The following KLC4 variants were observed in gnomAD, a reference collection of about 807,000 sequenced individuals.
The protein encoded by KLC4 is kinesin light chain 4.
In KLC4, 49 loss-of-function variants were observed where a neutral mutation model predicts 77.2. That is an observed-to-expected ratio of 0.63 (90% CI 0.50 to 0.80). KLC4 has a LOEUF of 0.80. Ranked by LOEUF, KLC4 falls within the 30% of genes least tolerant of loss-of-function variation. The probability of loss-of-function intolerance (pLI) is 0.00; values close to 1 mark genes in which losing one functional copy is unlikely to be tolerated. For synonymous variants in KLC4, 274 were observed against 314.5 expected (o/e 0.87, Z 1.36); for missense variants, 669 against 793.5 (o/e 0.84, Z 1.89).
chr6:43,065,587 C>T, intron 3 of KLC4, 33 bp from the exon 4 acceptor site: 1 of 1,499,808 alleles, frequency 6.7e-7, no homozygotes. Flanking sequence ...GTAGGGATAT[C>T]TTGGCCCTTA....
At chr6:43,067,291 A>C in intron 6 of KLC4, 1 of 1,222,774 alleles carries the variant, frequency 8.2e-7, no homozygotes. Context: ...TTTATAACAA[A>C]TATTTTGCTT....
chr6:43,066,619 C>A, intron 5 of KLC4, 94 bp downstream of exon 5: 1 of 1,116,854 alleles, frequency 9.0e-7, no homozygotes, highest in Non-Finnish European at 1.3e-6. Context: ...CAGGGTACCT[C>A]TCCTCCCTGT....
At position 43,063,163 on chromosome 6, in the gene KLC4, C is replaced by T. The variant is rs751861451; in HGVS notation, c.489+16C>T. 4.8e-5 allele frequency: 77 copies of T among 1,588,936 alleles called. No homozygotes were observed. The highest frequency in any genetic ancestry group is 6.3e-5 in the Non-Finnish European group (73 of 1,160,304). ...ACATACCTCGGTGAGTGTGCACAGG[C>T]GAGACTGGCTGAGGGGTGGGCAGCC... On this transcript the variant is annotated intron_variant, in intron 3 of 15. Coordinates refer to ENST00000347162, the MANE Select transcript of KLC4 (RefSeq NM_201521.3).
At chr6:43,068,403 T>C (rs1408015774) in intron 6 of KLC4, among the ~76,000 whole-genome samples, 1 of 151,258 alleles carries the variant, frequency 6.6e-6, no homozygotes, top group Admixed American at 6.6e-5. Context: ...AACCAGAAGG[T>C]GGAGGTTGCA....
In KLC4 at chr6:43,066,677, ACT is replaced by A. The variant is rs1173468543; in HGVS notation, c.791+156_791+157del. 31 of 692,200 alleles carry A rather than the reference ACT, an allele frequency of 4.5e-5. No homozygotes were observed. The South Asian group carries it at 5.6e-4, about 13-fold the overall frequency. 42.9% of individuals were successfully genotyped at this position (692,200 alleles called of 1,614,324 possible). A position where few individuals can be genotyped will look rare whatever the true frequency, so the allele number is the denominator to read the frequency against. The stretch of plus-strand genomic sequence containing the variant: ...ACAGGGTGCTTCTTTATGTGCCAGA[ACT>A]CTCACTTTTCCCATACCTAAGCATT... On this transcript the variant is annotated intron_variant, in intron 5 of 15. Transcript: ENST00000347162.
In KLC4 at chr6:43,067,020, T is replaced by G. The variant is rs1339163671; in HGVS notation, c.816T>G (p.Ala272=). ...GTGACCAGAATAAGTATAAGGAAGC[T>G]GCCCACCTGCTGAATGATGCCCTTA... is the stretch of plus-strand genomic sequence containing the variant. ...VYRDQNKYKE[A]AHLLNDALSI... is the part of the protein sequence containing the mutation. Residue 272 remains alanine, a synonymous_variant, in exon 6 of 16, where the codon GCT becomes GCG. Transcript: ENST00000347162. The G allele has an allele frequency of 6.2e-7, 1 of 1,613,830 alleles. No homozygotes were observed. The highest frequency in any genetic ancestry group is 8.5e-7 in the Non-Finnish European group (1 of 1,179,862).
In KLC4 at chr6:43,071,576, A is replaced by T; in HGVS notation, c.1265A>T (p.Lys422Met). Residue 422 changes from lysine to methionine, a missense_variant, in exon 10 of 16, where the codon AAG (lysine) becomes ATG (methionine). Coordinates refer to ENST00000347162, the MANE Select transcript of KLC4 (RefSeq NM_201521.3). ...CATGTATCACCCCTAGATGACCACA[A>T]GCCCATCTGGATGCATGCAGAGGAG... is the stretch of plus-strand genomic sequence containing the variant. ...QEFGSVDDDH[K>M]PIWMHAEERE... 6.2e-7 allele frequency: 1 copy of T among 1,613,640 alleles called. No individual in the cohort carries two copies. Among genetic ancestry groups the T allele is most frequent in the Non-Finnish European group, 8.5e-7 (1 of 1,179,878 alleles).
At chr6:43,065,044 T>G (rs1414710055) in intron 3 of KLC4, among the ~76,000 whole-genome samples, 1 of 152,040 alleles carries the variant, frequency 6.6e-6, no homozygotes, top group Non-Finnish European at 1.5e-5. Context: ...AAGGCAAGAT[T>G]GAGGGTGGTT....
rs771981719 is a variant in KLC4 at position 43,061,623 on chromosome 6, C to G, written c.258+30C>G. The G allele has an allele frequency of 1.9e-6, 3 of 1,589,038 alleles. 1 individual carries two copies. Among genetic ancestry groups the G allele is most frequent in the Middle Eastern group, 2.0e-4 (1 of 5,082 alleles). On this transcript the variant is annotated intron_variant, in intron 2 of 15. Coordinates refer to ENST00000347162, the MANE Select transcript of KLC4 (RefSeq NM_201521.3). ...GAGGGCAAAGGTGGTGCCAAGTGGT[C>G]CAGGGTGGATGGAGGAGCAGTTATC...
chr6:43,071,751 C>CA, intron 10 of KLC4, 101 bp from the exon 11 acceptor site: 1 of 1,465,292 alleles, frequency 6.8e-7, no homozygotes, highest in South Asian at 1.2e-5. Flanking sequence ...CTCCCCAGCC[C>CA]AGCCTGCACC....
In KLC4 at chr6:43,070,811, C is replaced by T. The variant is rs770481978; in HGVS notation, c.1101C>T (p.Tyr367=). ...ACTACCAGCGAGCACTGGCCATCTA[C>T]GAGGGGCAGCTGGGGCCGGACAACC... ...ERYYQRALAI[Y]EGQLGPDNPN... Residue 367 remains tyrosine, a synonymous_variant, in exon 8 of 16, where the codon TAC becomes TAT. Transcript: ENST00000347162. 9 of 1,613,086 alleles carry T rather than the reference C, an allele frequency of 5.6e-6. No individual in the cohort carries two copies. Among genetic ancestry groups the T allele is most frequent in the African/African-American group, 1.3e-5 (1 of 74,634 alleles).
intron 6 of KLC4, among the ~76,000 whole-genome samples, chr6:43,068,339 G>C (rs1765558968): frequency 6.6e-6 from 1 of 151,190 alleles, no homozygotes; most frequent in South Asian, 2.1e-4. Flanking sequence ...GGGCGTGGTG[G>C]GGGGCACTTG....
chr6:43,070,583 A>G, intron 7 of KLC4, 109 bp from the exon 8 acceptor site: 2 of 1,426,514 alleles, frequency 1.4e-6, no homozygotes. Context: ...CTCTTCCTTC[A>G]TTCCCTTTCC....
chr6:43,073,024 G>A (rs934921532), intron 13 of KLC4, 60 bp downstream of exon 13: 3 of 1,532,316 alleles, frequency 2.0e-6, no homozygotes, highest in Admixed American at 2.1e-5. Context: ...GTGGTGAGAG[G>A]CTCTTGGCCA....
intron 7 of KLC4, 30 bp from the exon 8 acceptor site, chr6:43,070,662 C>G: frequency 6.3e-7 from 1 of 1,595,516 alleles, no homozygotes; most frequent in Non-Finnish European, 8.6e-7. Context: ...GTTATCATAG[C>G]CATTTATCCA....
At chr6:43,062,329 C>T (rs556164926) in intron 2 of KLC4, among the ~76,000 whole-genome samples, 1 of 152,366 alleles carries the variant, frequency 6.6e-6, no homozygotes, top group South Asian at 2.1e-4. Context: ...TCTGCAACCT[C>T]TGCCTGCCAG....
At chr6:43,074,517 C>T (rs1422389801) in intron 15 of KLC4, 105 bp from the exon 16 acceptor site, 18 of 990,816 alleles carry the variant, frequency 1.8e-5, no homozygotes, top group Non-Finnish European at 2.8e-5. Context: ...CAGATGTGAT[C>T]CTAGGTCCAG....
chr6:43,066,198 C>T, intron 4 of KLC4, 108 bp from the exon 5 acceptor site: 5 of 898,790 alleles, frequency 5.6e-6, no homozygotes, highest in South Asian at 1.5e-5. Context: ...ATTGAGAGTC[C>T]AGGTTGGGGT....
chr6:43,067,228 C>A, intron 6 of KLC4, 145 bp downstream of exon 6: 7 of 1,420,894 alleles, frequency 4.9e-6, no homozygotes, highest in Admixed American at 2.5e-5. Flanking sequence ...TTCTTCCAGG[C>A]ACTGTCCAGT....
Sources: allele counts gnomAD v4.1 joint callset (sites outside exome capture counted in the v4.1 genomes callset), GRCh38; gene constraint gnomAD v4.1.1; transcripts MANE v1.5; gene names NCBI Gene and HGNC (gene_info 2026-07-23, HGNC 2026-07-21).